SKAP2: variants seen among roughly 807,000 people sequenced by gnomAD.
The protein encoded by SKAP2 is src kinase associated phosphoprotein 2, also known as src kinase-associated phosphoprotein 2.
Under a neutral mutation model 54.9 loss-of-function variants are expected in SKAP2, and 28 were observed. The observed-to-expected ratio is 0.51, with a 90% CI of 0.38 to 0.70. SKAP2 has a LOEUF of 0.70. Among genes scored for constraint, SKAP2 ranks in the 30% least tolerant of loss-of-function variants. The pLI, the probability that SKAP2 is intolerant of heterozygous loss-of-function variation, is 0.00. For missense variants in SKAP2, 356 were observed against 424.1 expected, an observed-to-expected ratio of 0.84 and a Z score of 1.41; for synonymous variants, 137 against 134.3, an observed-to-expected ratio of 1.02 and a Z score of -0.14.
chr7:26,775,530 CGTGTGTGTGTGTGT>C (rs59902431), intron 4 of SKAP2, among the ~76,000 whole-genome samples: 81 of 146,298 alleles, frequency 5.5e-4, no homozygotes, highest in African/African-American at 1.4e-3. Flanking sequence ...TTTACTTGTA[CGTGTGTGTGTGTGT>C]GTGTGTGTGT....
intron 4 of SKAP2, among the ~76,000 whole-genome samples, chr7:26,757,163 G>T (rs373309611): frequency 7.5e-4 from 114 of 152,262 alleles, no homozygotes; most frequent in Admixed American, 2.1e-3. Context: ...CTGTGCAGAA[G>T]CTCTTGAGTT....
At chr7:26,796,692 T>C (rs1783788147) in intron 4 of SKAP2, among the ~76,000 whole-genome samples, 1 of 152,254 alleles carries the variant, frequency 6.6e-6, no homozygotes, top group African/African-American at 2.4e-5. Context: ...ATGTATTTTC[T>C]CATTAATTTT....
chr7:26,658,108 G>T, the SKAP2 span, among the ~76,000 whole-genome samples: 13 of 152,088 alleles, frequency 8.5e-5, no homozygotes, highest in Non-Finnish European at 1.5e-4. Flanking sequence ...TCTCTTTGCC[G>T]CATGAAAAGG....
chr7:26,753,574 C>T (rs1239078646), intron 4 of SKAP2, among the ~76,000 whole-genome samples: 1 of 152,126 alleles, frequency 6.6e-6, no homozygotes, highest in African/African-American at 2.4e-5. Context: ...TTTATAACTA[C>T]CTAATTTTGG....
intron 11 of SKAP2, among the ~76,000 whole-genome samples, chr7:26,676,921 G>T (rs1786361936): frequency 6.6e-6 from 1 of 152,236 alleles, no homozygotes; most frequent in Non-Finnish European, 1.5e-5. Flanking sequence ...GTGAAGGCCT[G>T]CAGAGATAAA....
chr7:26,662,420 G>A (rs1457594599), downstream of SKAP2, among the ~76,000 whole-genome samples: 1 of 151,970 alleles, frequency 6.6e-6, no homozygotes, highest in Non-Finnish European at 1.5e-5. Flanking sequence ...AACCTTTTAT[G>A]TCTTAGGACA....
At chr7:26,772,729 T>C (rs1368300895) in intron 4 of SKAP2, among the ~76,000 whole-genome samples, 1 of 152,238 alleles carries the variant, frequency 6.6e-6, no homozygotes, top group Non-Finnish European at 1.5e-5. Flanking sequence ...TCACAAAAAA[T>C]TCCAAGTGAA....
intron 4 of SKAP2, among the ~76,000 whole-genome samples, chr7:26,771,024 T>A (rs1471195243): frequency 6.6e-6 from 1 of 152,134 alleles, no homozygotes; most frequent in Non-Finnish European, 1.5e-5. Flanking sequence ...TCAAAGGAAA[T>A]AAAATTATAA....
At chr7:26,744,379 A>AT (rs1402939379) in intron 4 of SKAP2, among the ~76,000 whole-genome samples, 1 of 152,148 alleles carries the variant, frequency 6.6e-6, no homozygotes, top group African/African-American at 2.4e-5. Flanking sequence ...CAGTCTTGGC[A>AT]TTAACAGGGT....
chr7:26,849,108 T>C (rs1350703996), intron 3 of SKAP2, among the ~76,000 whole-genome samples: 1 of 152,204 alleles, frequency 6.6e-6, no homozygotes, highest in Non-Finnish European at 1.5e-5. Context: ...AAACACACTA[T>C]GTTAGGAAGG....
chr7:26,768,431 T>C (rs1344900786), intron 4 of SKAP2, among the ~76,000 whole-genome samples: 1 of 152,218 alleles, frequency 6.6e-6, no homozygotes, highest in African/African-American at 2.4e-5. Context: ...GGTCTGTGTC[T>C]TTTATTTGGG....
chr7:26,729,980 A>C (rs1023394397), intron 6 of SKAP2, among the ~76,000 whole-genome samples: 16 of 152,196 alleles, frequency 1.1e-4, no homozygotes, highest in South Asian at 2.1e-4. Context: ...CAATTATATA[A>C]ACATCCAAGT....
At chr7:26,853,559 G>T (rs1270936816) in intron 3 of SKAP2, among the ~76,000 whole-genome samples, 1 of 152,106 alleles carries the variant, frequency 6.6e-6, no homozygotes, top group African/African-American at 2.4e-5. Flanking sequence ...AAAAAAAAAT[G>T]AAACTGAATT....
chr7:26,838,529 C>G (rs185967184), intron 4 of SKAP2, among the ~76,000 whole-genome samples: 1 of 152,302 alleles, frequency 6.6e-6, no homozygotes, highest in Non-Finnish European at 1.5e-5. Flanking sequence ...AAGTTATCAT[C>G]AATTATAATG....
chr7:26,732,328 A>T lies in SKAP2; in HGVS notation c.470-5322T>A, dbSNP rs17154412. 9.4e-3 allele frequency among the ~76,000 whole-genome samples: 1,434 copies of T among 152,256 alleles called. 19 individuals carry two copies. The highest frequency in any genetic ancestry group is 0.032 in the African/African-American group (1,346 of 41,546). On this transcript the variant is annotated intron_variant, in intron 6 of 12. Coordinates refer to ENST00000345317, the MANE Select transcript of SKAP2 (RefSeq NM_003930.5). ...AGGCCCAAGCCAGCAGTGTGTCCCA[A>T]TAAGATTTTTCATGGATTATGCTCA... is the stretch of plus-strand genomic sequence containing the variant.
At chr7:26,810,213 T>C (rs925973632) in intron 4 of SKAP2, among the ~76,000 whole-genome samples, 3 of 151,988 alleles carry the variant, frequency 2.0e-5, no homozygotes, top group Non-Finnish European at 2.9e-5. Context: ...TACACCCTTG[T>C]AGTCCTAACC....
downstream of SKAP2, among the ~76,000 whole-genome samples, chr7:26,662,174 G>T (rs539156913): frequency 2.2e-4 from 33 of 152,232 alleles, no homozygotes; most frequent in African/African-American, 7.9e-4. Context: ...ACCATAACTG[G>T]TAGCAACTCT....
At chr7:26,739,779 A>C (rs2127961462) in intron 5 of SKAP2, 108 bp downstream of exon 5, 1 of 725,322 alleles carries the variant, frequency 1.4e-6, no homozygotes, top group East Asian at 2.9e-5. Context: ...ACAATCTTTA[A>C]ACTCTTTAAT....
intron 4 of SKAP2, among the ~76,000 whole-genome samples, chr7:26,742,664 T>C (rs1196601609): frequency 6.6e-6 from 1 of 152,174 alleles, no homozygotes; most frequent in Admixed American, 6.5e-5. Flanking sequence ...AATTTCATTT[T>C]TCTAAACCTT....
Sources: allele counts gnomAD v4.1 joint callset (sites outside exome capture counted in the v4.1 genomes callset), GRCh38; gene constraint gnomAD v4.1.1; transcripts MANE v1.5; gene names NCBI Gene and HGNC (gene_info 2026-07-23, HGNC 2026-07-21).